ZBTB7C: variants seen among roughly 807,000 people sequenced by gnomAD.
The protein encoded by ZBTB7C is zinc finger and BTB domain-containing protein 7C.
A neutral mutation model predicts 25.7 loss-of-function variants in ZBTB7C; 8 were observed. That is an observed-to-expected ratio of 0.31 (90% CI 0.18 to 0.56). ZBTB7C has a LOEUF of 0.56. ZBTB7C is among the 20% of genes least tolerant of loss of function. ZBTB7C has a pLI of 0.91. For missense variants in ZBTB7C, 824 were observed against 855.2 expected (o/e 0.96, Z 0.46); for synonymous variants, 394 against 369.0 (o/e 1.07, Z -0.78).
At chr18:48,295,101 T>A (rs1219046213) in intron 2 of ZBTB7C, among the ~76,000 whole-genome samples, 1 of 152,138 alleles carries the variant, frequency 6.6e-6, no homozygotes, top group Non-Finnish European at 1.5e-5. Context: ...CTTGCCTGTC[T>A]CTTTCCCCTC....
At chr18:48,181,549 T>C (rs1052473783) in intron 3 of ZBTB7C, among the ~76,000 whole-genome samples, 1 of 152,318 alleles carries the variant, frequency 6.6e-6, no homozygotes, top group African/African-American at 2.4e-5. Context: ...CAAAGCTGCA[T>C]GACAATGACG....
intron 2 of ZBTB7C, among the ~76,000 whole-genome samples, chr18:48,202,833 A>G (rs1197810056): frequency 2.6e-5 from 4 of 152,024 alleles, no homozygotes; most frequent in African/African-American, 9.7e-5. Flanking sequence ...TGTAGCCAGG[A>G]GTCCCATGGC....
chr18:48,046,822 C>T (rs965412256), intron 3 of ZBTB7C, among the ~76,000 whole-genome samples: 2 of 152,336 alleles, frequency 1.3e-5, no homozygotes, highest in Middle Eastern at 3.4e-3. Context: ...CTCTGGACTT[C>T]TGTCTCATCA....
intron 4 of ZBTB7C, among the ~76,000 whole-genome samples, chr18:48,035,382 G>A (rs1324734046): frequency 6.6e-6 from 1 of 152,226 alleles, no homozygotes; most frequent in Non-Finnish European, 1.5e-5. Flanking sequence ...GGCATGGCTG[G>A]GGCATCTCTG....
intron 2 of ZBTB7C, among the ~76,000 whole-genome samples, chr18:48,303,733 T>C (rs551090529): frequency 3.3e-5 from 5 of 152,314 alleles, no homozygotes; most frequent in African/African-American, 1.2e-4. Flanking sequence ...TGATGGGGCC[T>C]TGACTCCAGG....
chr18:48,099,339 G>A (rs2144601939), intron 3 of ZBTB7C, among the ~76,000 whole-genome samples: 1 of 152,320 alleles, frequency 6.6e-6, no homozygotes, highest in South Asian at 2.1e-4. Flanking sequence ...ATTTATCCTA[G>A]CACAATGTCT....
chr18:48,179,196 T>A (rs2041795498), intron 3 of ZBTB7C, among the ~76,000 whole-genome samples: 4 of 152,148 alleles, frequency 2.6e-5, no homozygotes, highest in Admixed American at 6.5e-5. Context: ...TGGCCTGATG[T>A]TTTCACTTGG....
At chr18:48,281,066 C>T (rs2044831923) in intron 2 of ZBTB7C, among the ~76,000 whole-genome samples, 1 of 152,054 alleles carries the variant, frequency 6.6e-6, no homozygotes, top group South Asian at 2.1e-4. Flanking sequence ...GTTGGCCAGA[C>T]TGGTCTCGAA....
At chr18:48,053,674 GTC>G (rs1437053055) in intron 3 of ZBTB7C, among the ~76,000 whole-genome samples, 1 of 152,188 alleles carries the variant, frequency 6.6e-6, no homozygotes, top group African/African-American at 2.4e-5. Flanking sequence ...GTCTGCAACT[GTC>G]TCTCTCAGCT....
intron 1 of ZBTB7C, among the ~76,000 whole-genome samples, chr18:48,366,223 G>C (rs1166262649): frequency 6.6e-6 from 1 of 152,236 alleles, no homozygotes; most frequent in Non-Finnish European, 1.5e-5. Flanking sequence ...TTTCAAACCA[G>C]TGGGGGAAAG....
At chr18:48,046,644 A>C (rs1389877237) in intron 3 of ZBTB7C, among the ~76,000 whole-genome samples, 3 of 152,228 alleles carry the variant, frequency 2.0e-5, no homozygotes, top group Non-Finnish European at 4.4e-5. Context: ...CCGTTAGTCC[A>C]CGTGTTGGTG....
At chr18:48,070,094 T>G (rs951132673) in intron 3 of ZBTB7C, among the ~76,000 whole-genome samples, 7 of 152,182 alleles carry the variant, frequency 4.6e-5, no homozygotes, top group African/African-American at 1.7e-4. Flanking sequence ...CAGGTCTCTG[T>G]GACCTCAAGG....
intron 2 of ZBTB7C, among the ~76,000 whole-genome samples, chr18:48,312,395 T>C (rs1004296220): frequency 6.6e-6 from 1 of 152,208 alleles, no homozygotes. Context: ...ATATCATCCC[T>C]TGTGTCAGGA....
At chr18:48,038,885 C>T (rs1216559765) in intron 4 of ZBTB7C, among the ~76,000 whole-genome samples, 3 of 152,134 alleles carry the variant, frequency 2.0e-5, no homozygotes, top group Non-Finnish European at 4.4e-5. Flanking sequence ...GATGCCAGGC[C>T]ACCCACCAGA....
chr18:48,155,554 C>T (rs1399897259), intron 3 of ZBTB7C, among the ~76,000 whole-genome samples: 4 of 151,452 alleles, frequency 2.6e-5, no homozygotes, highest in African/African-American at 4.9e-5. Context: ...CCAGGATGGT[C>T]GCAATCTCCT....
At chr18:48,043,321 A>G (rs925344189) in intron 3 of ZBTB7C, among the ~76,000 whole-genome samples, 2 of 152,234 alleles carry the variant, frequency 1.3e-5, no homozygotes, top group Non-Finnish European at 2.9e-5. Flanking sequence ...GATAGTGAGT[A>G]ACTGGAAATA....
intron 3 of ZBTB7C, among the ~76,000 whole-genome samples, chr18:48,085,594 T>C (rs2038162863): frequency 6.6e-6 from 1 of 152,184 alleles, no homozygotes; most frequent in African/African-American, 2.4e-5. Flanking sequence ...CAATTCTACA[T>C]CCTAGGGTTG....
chr18:48,131,619 G>T (rs910794132), intron 3 of ZBTB7C, among the ~76,000 whole-genome samples: 18 of 152,160 alleles, frequency 1.2e-4, no homozygotes, highest in African/African-American at 3.1e-4. Flanking sequence ...TCACTGTGGA[G>T]CTGAAATATC....
intron 2 of ZBTB7C, among the ~76,000 whole-genome samples, chr18:48,271,761 G>C (rs2044493517): frequency 6.6e-6 from 1 of 151,818 alleles, no homozygotes; most frequent in Non-Finnish European, 1.5e-5. Context: ...AAAAGCATTT[G>C]ACAAAATTCC....
Sources: gnomAD v4.1 joint callset for allele counts (sites outside exome capture counted in the v4.1 genomes callset) on GRCh38, gnomAD v4.1.1 for gene constraint, MANE v1.5 for transcripts, NCBI Gene and HGNC (gene_info 2026-07-23, HGNC 2026-07-21) for gene names.